The following JAKMIP1 variants were observed in gnomAD, a reference collection of about 807,000 sequenced individuals.
JAKMIP1 encodes the protein janus kinase and microtubule interacting protein 1, also known as janus kinase and microtubule-interacting protein 1.
Under a neutral mutation model 113.0 loss-of-function variants are expected in JAKMIP1, and 33 were observed. The ratio of observed to expected loss-of-function variants is 0.29; its 90% CI spans 0.22 to 0.39. The LOEUF (loss-of-function observed/expected upper bound fraction) is 0.39. Ranked by LOEUF, JAKMIP1 falls within the 10% of genes least tolerant of loss-of-function variation. JAKMIP1 has a pLI of 1.00. For missense variants in JAKMIP1, 813 were observed against 1,080.5 expected (o/e 0.75, Z 3.47); for synonymous variants, 480 against 459.9 (o/e 1.04, Z -0.56).
intron 1 of JAKMIP1, among the ~76,000 whole-genome samples, chr4:6,172,761 C>T (rs781535147): frequency 3.3e-5 from 5 of 152,256 alleles, no homozygotes; most frequent in Non-Finnish European, 5.9e-5. Context: ...GCTCATGTGG[C>T]ATCCTTGCCC....
chr4:6,196,960 C>T (rs529344072), intron 1 of JAKMIP1, among the ~76,000 whole-genome samples: 22 of 152,258 alleles, frequency 1.4e-4, no homozygotes, highest in African/African-American at 3.9e-4. Flanking sequence ...CAGTGTGCTC[C>T]GTGGGGCAAC....
At chr4:6,098,723 A>AG (rs1560181442) in intron 3 of JAKMIP1, among the ~76,000 whole-genome samples, 40 of 3,328 alleles carry the variant, frequency 0.012, 2 homozygotes, top group South Asian at 0.096. Flanking sequence ...AAAGAAAGAA[A>AG]AAGAAAGAAA....
intron 1 of JAKMIP1, among the ~76,000 whole-genome samples, chr4:6,134,922 C>T (rs945307042): frequency 6.6e-6 from 1 of 152,170 alleles, no homozygotes; most frequent in Non-Finnish European, 1.5e-5. Flanking sequence ...TGCAGATAAA[C>T]CACGGTGGAT....
chr4:6,170,912 GCCACCACCTTTCTTACCATCACCACCA>G (rs1041788855), intron 1 of JAKMIP1, among the ~76,000 whole-genome samples: 2 of 106,976 alleles, frequency 1.9e-5, no homozygotes, highest in African/African-American at 7.2e-5. Context: ...CACCATCACC[GCCACCACCTTTCTTACCATCACCACCA>G]CCACCAGCAT....
rs145308336 is a variant in JAKMIP1, at chr4:6,073,496, T to A, written c.1302+5443A>T. Among the ~76,000 whole-genome samples, 36 of 152,244 alleles carry A rather than the reference T, an allele frequency of 2.4e-4. No homozygotes were observed. The East Asian group carries it at 6.8e-3, about 29-fold the overall frequency. On this transcript the variant is annotated intron_variant, in intron 8 of 20. Coordinates refer to ENST00000409021, the MANE Select transcript of JAKMIP1 (RefSeq NM_001099433.2). ...TAAAGGATGATTACTGCAAAGGGCA[T>A]TGAGATCCCACCTCACTATTATAAA... is the stretch of plus-strand genomic sequence containing the variant.
rs1220891803 is a variant in JAKMIP1, at chr4:6,137,170, TCCCC to T, written c.-147-24177_-147-24174del. 2.0e-5 allele frequency among the ~76,000 whole-genome samples: 3 copies of T among 151,888 alleles called. 1 individual carries two copies. Among genetic ancestry groups the T allele is most frequent in the Non-Finnish European group, 4.4e-5 (3 of 67,970 alleles). ...GCATGCTCCCTTGCCTTGCAGAGCC[TCCCC>T]CATAGGGCTTGGAATCGAGCCACAT... is the stretch of plus-strand genomic sequence containing the variant. On this transcript the variant is annotated intron_variant, in intron 1 of 20. Transcript: ENST00000409021. The surrounding 1 kb of genome is among the most constrained non-coding windows in gnomAD (Gnocchi z 4.5).
At position 6,067,588 on chromosome 4, in the gene JAKMIP1, C is replaced by CTCTT. The variant is rs1718288290; in HGVS notation, c.1303-2584_1303-2581dup. ...GAGTGATGCATCTGCAGCACTCAAG[C>CTCTT]TCTTCTGCACACACAGGTCACCCCC... On this transcript the variant is annotated intron_variant, in intron 8 of 20. Transcript: ENST00000409021. This position sits in a 1 kb window ranked among gnomAD's most constrained non-coding sequence, Gnocchi z 4.6. 6.6e-6 allele frequency among the ~76,000 whole-genome samples: 1 copy of CTCTT among 151,748 alleles called. No individual in the cohort carries two copies. The highest frequency in any genetic ancestry group is 2.1e-4 in the South Asian group (1 of 4,828).
At chr4:6,072,844 C>T (rs1052385561) in intron 8 of JAKMIP1, among the ~76,000 whole-genome samples, 2 of 151,936 alleles carry the variant, frequency 1.3e-5, no homozygotes, top group African/African-American at 4.8e-5. Context: ...TTTGGGAGGC[C>T]GAGGCAGGCA....
chr4:6,092,331 T>C (rs1488905575), intron 3 of JAKMIP1, among the ~76,000 whole-genome samples: 1 of 152,176 alleles, frequency 6.6e-6, no homozygotes, highest in Non-Finnish European at 1.5e-5. Context: ...CTAGATCTCC[T>C]TCCTGTGCTA....
Position 6,089,234 on chromosome 4 carries a change from C to G in JAKMIP1, c.625-3605G>C, listed in dbSNP as rs1212601140. Among the ~76,000 whole-genome samples the G allele has an allele frequency of 6.6e-6, 1 of 152,222 alleles. No individual in the cohort carries two copies. The highest frequency in any genetic ancestry group is 1.5e-5 in the Non-Finnish European group (1 of 68,046). On this transcript the variant is annotated intron_variant, in intron 3 of 20. Coordinates refer to ENST00000409021, the MANE Select transcript of JAKMIP1 (RefSeq NM_001099433.2). The surrounding 1 kb of genome is among the most constrained non-coding windows in gnomAD (Gnocchi z 5.3). ...ATCCTGGATGACATCGTTAGTGCAC[C>G]TGGAGCTGCACCTACAGCAAATCCC...
rs1411691945 is a variant in JAKMIP1, at chr4:6,105,625, G to A, written c.472C>T (p.Leu158Phe). 6.3e-7 allele frequency: 1 copy of A among 1,595,262 alleles called. No individual in the cohort carries two copies. The highest frequency in any genetic ancestry group is 8.5e-7 in the Non-Finnish European group (1 of 1,171,408). Residue 158 changes from leucine (L) to phenylalanine (F), a missense_variant, in exon 3 of 21, where the codon CTC (leucine) becomes TTC (phenylalanine). By Grantham distance (22) the Leu-to-Phe change is conservative. Transcript: ENST00000409021. ...RLRLQQEILELKAARKQAEEA... is the reference protein window; with the variant it reads ...RLRLQQEILEFKAARKQAEEA... ...TCTGCCTGCTTGCGCGCTGCCTTGA[G>A]CTCCAGGATCTCCTGCTGCAGCCGC...
intron 8 of JAKMIP1, among the ~76,000 whole-genome samples, chr4:6,068,972 T>C (rs1440325416): frequency 1.3e-5 from 2 of 152,212 alleles, no homozygotes; most frequent in Admixed American, 1.3e-4. Context: ...TGTTGAGTGA[T>C]TATATTATGC....
At chr4:6,117,323 G>A (rs1006454080) in intron 1 of JAKMIP1, among the ~76,000 whole-genome samples, 5 of 152,136 alleles carry the variant, frequency 3.3e-5, no homozygotes, top group African/African-American at 7.2e-5. Flanking sequence ...CTGGGCGTCC[G>A]GGGGAGACAT....
At chr4:6,085,055 C>G in intron 4 of JAKMIP1, 90 bp from the exon 5 acceptor site, 1 of 1,420,814 alleles carries the variant, frequency 7.0e-7, no homozygotes, top group Non-Finnish European at 9.3e-7. Flanking sequence ...ATTCACATGA[C>G]ATAATGGGTG....
chr4:6,114,015 C>G lies in JAKMIP1; in HGVS notation c.-147-1018G>C, dbSNP rs958661814. 2.9e-4 allele frequency among the ~76,000 whole-genome samples: 44 copies of G among 152,212 alleles called. 1 individual carries two copies. The highest frequency in any genetic ancestry group is 2.9e-3 in the Admixed American group (44 of 15,274). Reference sequence around the variant, plus strand: ...TGTGACGGGAGCTGGGAATCCTGTCCTATCATCTTTGGAACACCTGGTGAG... The same window carrying G: ...TGTGACGGGAGCTGGGAATCCTGTCGTATCATCTTTGGAACACCTGGTGAG... On this transcript the variant is annotated intron_variant, in intron 1 of 20. Coordinates refer to ENST00000409021, the MANE Select transcript of JAKMIP1 (RefSeq NM_001099433.2).
At chr4:6,170,973 A>G (rs1018914589) in intron 1 of JAKMIP1, among the ~76,000 whole-genome samples, 1 of 141,088 alleles carries the variant, frequency 7.1e-6, no homozygotes, top group East Asian at 2.1e-4. Context: ...ACCCACCATC[A>G]CTGACACCAC....
intron 1 of JAKMIP1, among the ~76,000 whole-genome samples, chr4:6,133,433 C>T (rs1486170080): frequency 1.3e-5 from 2 of 152,062 alleles, no homozygotes; most frequent in Non-Finnish European, 2.9e-5. Context: ...GAGACAGAGC[C>T]CATGTTAAAC....
At chr4:6,126,327 C>G (rs915443339) in intron 1 of JAKMIP1, among the ~76,000 whole-genome samples, 2 of 126,516 alleles carry the variant, frequency 1.6e-5, no homozygotes, top group African/African-American at 6.2e-5. Flanking sequence ...AAACATACAC[C>G]TTGCAGAAAC....
At chr4:6,152,160 T>G in intron 1 of JAKMIP1, among the ~76,000 whole-genome samples, 1 of 150,718 alleles carries the variant, frequency 6.6e-6, no homozygotes, top group African/African-American at 2.4e-5. Flanking sequence ...AGAGAGAGAG[T>G]GAGAGAGAGC....
Sources: gnomAD v4.1 joint callset for allele counts (sites outside exome capture counted in the v4.1 genomes callset) on GRCh38, gnomAD v4.1.1 for gene constraint, Gnocchi (gnomAD v3.1) non-coding constraint, MANE v1.5 for transcripts, NCBI Gene and HGNC (gene_info 2026-07-23, HGNC 2026-07-21) for gene names.